Variants in GRM7 observed in about 807,000 individuals in gnomAD.
GRM7 encodes the protein metabotropic glutamate receptor 7.
Under a neutral mutation model 84.5 loss-of-function variants are expected in GRM7, and 35 were observed. That is an observed-to-expected ratio of 0.41 (90% CI 0.32 to 0.55). The LOEUF is 0.55. Among genes scored for constraint, GRM7 ranks in the 20% least tolerant of loss-of-function variants. The probability of loss-of-function intolerance (pLI) is 0.19; values close to 1 mark genes in which losing one functional copy is unlikely to be tolerated. For missense variants in GRM7, 1,003 were observed against 1,194.6 expected, an observed-to-expected ratio of 0.84 and a Z score of 2.36; for synonymous variants, 487 against 455.1, an observed-to-expected ratio of 1.07 and a Z score of -0.89.
chr3:7,598,651 T>C (rs1297552951), intron 8 of GRM7, among the ~76,000 whole-genome samples: 1 of 152,206 alleles, frequency 6.6e-6, no homozygotes, highest in Non-Finnish European at 1.5e-5. Context: ...ATAACATTAA[T>C]TTTTTAAAAA....
chr3:7,267,716 C>T (rs1003517346), intron 2 of GRM7, among the ~76,000 whole-genome samples: 16 of 151,964 alleles, frequency 1.1e-4, no homozygotes, highest in African/African-American at 3.6e-4. Context: ...CGGGGAAAGA[C>T]GGAAAACGGG....
At chr3:7,481,250 A>G (rs1699117472) in intron 7 of GRM7, among the ~76,000 whole-genome samples, 1 of 151,782 alleles carries the variant, frequency 6.6e-6, no homozygotes, top group Non-Finnish European at 1.5e-5. Context: ...GATTTTTTTA[A>G]ATTTTTTTGT....
chr3:7,686,142 T>A lies in GRM7; in HGVS notation c.2698+5847T>A, dbSNP rs112059037. Among the ~76,000 whole-genome samples the A allele has an allele frequency of 2.3e-4, 35 of 152,184 alleles. 1 individual carries two copies. The highest frequency in any genetic ancestry group is 7.9e-4 in the African/African-American group (33 of 41,532). Reference sequence around the variant, plus strand: ...CTAACTCAAGCAAGTAAAACCCAACTCCCTTAACTCAAGAGGCACCAGTAC... The same window carrying A: ...CTAACTCAAGCAAGTAAAACCCAACACCCTTAACTCAAGAGGCACCAGTAC... On this transcript the variant is annotated intron_variant, in intron 9 of 9. Transcript: ENST00000357716.
At chr3:6,870,206 G>T (rs1204265409) in intron 1 of GRM7, among the ~76,000 whole-genome samples, 2 of 152,112 alleles carry the variant, frequency 1.3e-5, no homozygotes, top group African/African-American at 4.8e-5. Flanking sequence ...AAGATGGTCG[G>T]GTTGGTAGTG....
intron 1 of GRM7, among the ~76,000 whole-genome samples, chr3:6,968,919 C>T (rs868472495): frequency 6.6e-6 from 1 of 152,304 alleles, no homozygotes; most frequent in Non-Finnish European, 1.5e-5. Context: ...TCTTTGAGTA[C>T]ACCAGAAATT....
intron 3 of GRM7, among the ~76,000 whole-genome samples, chr3:7,305,155 C>T (rs1334103385): frequency 6.6e-6 from 1 of 152,144 alleles, no homozygotes; most frequent in Non-Finnish European, 1.5e-5. Context: ...CCTAGAGTGT[C>T]TTAACATTTC....
At chr3:7,154,858 G>A (rs1694398696) in intron 2 of GRM7, among the ~76,000 whole-genome samples, 1 of 152,094 alleles carries the variant, frequency 6.6e-6, no homozygotes, top group Non-Finnish European at 1.5e-5. Context: ...CCTTCAAGGT[G>A]AAGCTTTCTC....
chr3:7,176,243 A>C (rs1217735605), intron 2 of GRM7, among the ~76,000 whole-genome samples: 14 of 144,246 alleles, frequency 9.7e-5, no homozygotes, highest in African/African-American at 3.4e-4. Context: ...AAAAAAAAAA[A>C]AAAAAAAAAA....
intron 1 of GRM7, among the ~76,000 whole-genome samples, chr3:7,023,387 G>A (rs1161617301): frequency 6.6e-6 from 1 of 152,072 alleles, no homozygotes; most frequent in Non-Finnish European, 1.5e-5. Context: ...GGTCAGAAAG[G>A]GACCTTGGTT....
intron 1 of GRM7, among the ~76,000 whole-genome samples, chr3:7,043,831 C>A (rs1252231170): frequency 1.3e-5 from 2 of 152,138 alleles, no homozygotes; most frequent in African/African-American, 4.8e-5. Context: ...AAATACAAGC[C>A]TTGACTTCCT....
At chr3:7,033,999 C>A (rs190233515) in intron 1 of GRM7, among the ~76,000 whole-genome samples, 1 of 152,194 alleles carries the variant, frequency 6.6e-6, no homozygotes, top group East Asian at 1.9e-4. Context: ...GCCTAAGCAC[C>A]AATTACAGGT....
Position 7,036,955 on chromosome 3 carries a change from A to C in GRM7, c.520-109497A>C, listed in dbSNP as rs766027517. ...CAGCAATTTACGCAAAGAAGAGGGC[A>C]TGACATAATGAGTGATTAATGGATC... On this transcript the variant is annotated intron_variant, in intron 1 of 9. Transcript: ENST00000357716. 3.3e-4 allele frequency among the ~76,000 whole-genome samples: 50 copies of C among 152,350 alleles called. No individual in the cohort carries two copies. The Middle Eastern group carries it at 0.017, about 52-fold the overall frequency.
chr3:7,387,966 A>G lies in GRM7; in HGVS notation c.1034-27057A>G, dbSNP rs546367913. ...TGTTTGTGTCATCTATGATTTCCTT[A>G]AGCAGTGTTTTATAGTTTTCCTCAT... On this transcript the variant is annotated intron_variant, in intron 4 of 9. Transcript: ENST00000357716. 1.6e-3 allele frequency among the ~76,000 whole-genome samples: 237 copies of G among 152,016 alleles called. 2 individuals are homozygous for G. The highest frequency in any genetic ancestry group is 0.014 in the Middle Eastern group (4 of 292).
intron 4 of GRM7, among the ~76,000 whole-genome samples, chr3:7,329,335 G>T (rs1298553446): frequency 6.6e-6 from 1 of 152,100 alleles, no homozygotes. Context: ...ACCGTGCCTC[G>T]CCATAAATTG....
intron 2 of GRM7, among the ~76,000 whole-genome samples, chr3:7,285,691 ATAG>A (rs1292209061): frequency 6.6e-6 from 1 of 152,036 alleles, no homozygotes; most frequent in Non-Finnish European, 1.5e-5. Context: ...TACCTACCAA[ATAG>A]TTTTTTGCCC....
At chr3:7,668,833 T>C (rs1015256803) in intron 8 of GRM7, among the ~76,000 whole-genome samples, 18 of 152,244 alleles carry the variant, frequency 1.2e-4, no homozygotes, top group African/African-American at 4.1e-4. Context: ...CAAACATACA[T>C]TGAACTTGTT....
chr3:7,583,024 C>G, intron 8 of GRM7, among the ~76,000 whole-genome samples: 1 of 152,126 alleles, frequency 6.6e-6, no homozygotes, highest in East Asian at 1.9e-4. Flanking sequence ...ACTTCAGAAC[C>G]TTTGGGAATC....
chr3:7,478,917 C>T (rs1403791278), intron 7 of GRM7, among the ~76,000 whole-genome samples: 1 of 152,000 alleles, frequency 6.6e-6, no homozygotes, highest in Non-Finnish European at 1.5e-5. Flanking sequence ...ATGCAGTGTC[C>T]CCAGAGCACT....
intron 7 of GRM7, among the ~76,000 whole-genome samples, chr3:7,545,272 G>A (rs778452986): frequency 2.6e-5 from 4 of 152,198 alleles, no homozygotes; most frequent in Admixed American, 6.5e-5. Context: ...CACACTGAGT[G>A]CACAGGCCAA....
Sources: gnomAD v4.1 joint callset for allele counts (sites outside exome capture counted in the v4.1 genomes callset) on GRCh38, gnomAD v4.1.1 for gene constraint, MANE v1.5 for transcripts, NCBI Gene and HGNC (gene_info 2026-07-23, HGNC 2026-07-21) for gene names.